The following CSMD1 variants were observed in gnomAD, a reference collection of about 807,000 sequenced individuals.
CSMD1 encodes CUB and sushi domain-containing protein 1.
A neutral mutation model predicts 417.5 loss-of-function variants in CSMD1; 213 were observed. The observed-to-expected ratio is 0.51, with a 90% CI of 0.46 to 0.57. The LOEUF is 0.57. Ranked by LOEUF, CSMD1 falls within the 20% of genes least tolerant of loss-of-function variation. CSMD1 has a pLI of 0.00. For synonymous variants in CSMD1, 2,862 were observed against 1,736.8 expected, an observed-to-expected ratio of 1.65 and a Z score of -16.11; for missense variants, 6,923 against 4,529.7, an observed-to-expected ratio of 1.53 and a Z score of -15.17.
chr8:3,500,281 G>C (rs921400052), intron 10 of CSMD1, among the ~76,000 whole-genome samples: 2 of 152,172 alleles, frequency 1.3e-5, no homozygotes, highest in African/African-American at 2.4e-5. Context: ...AAGGAGGAAA[G>C]TGCTGGGCAC....
chr8:3,820,824 T>C (rs1245124652), intron 5 of CSMD1, among the ~76,000 whole-genome samples: 1 of 152,124 alleles, frequency 6.6e-6, no homozygotes, highest in Non-Finnish European at 1.5e-5. Flanking sequence ...CCTCAGGTGA[T>C]CTGCTGACCT....
chr8:4,989,077 A>C (rs1811328305), intron 1 of CSMD1, among the ~76,000 whole-genome samples: 1 of 152,220 alleles, frequency 6.6e-6, no homozygotes. Context: ...AGGCATGAAT[A>C]CCTAAGTGCA....
chr8:4,246,089 G>A (rs956714090), intron 3 of CSMD1, among the ~76,000 whole-genome samples: 1 of 152,028 alleles, frequency 6.6e-6, no homozygotes, highest in African/African-American at 2.4e-5. Flanking sequence ...GTAAACTTAT[G>A]TCATGGGAGT....
chr8:3,139,693 A>T (rs1047185091), intron 41 of CSMD1, among the ~76,000 whole-genome samples: 2 of 151,992 alleles, frequency 1.3e-5, no homozygotes, highest in African/African-American at 4.8e-5. Flanking sequence ...TTATAAATAG[A>T]TATGTACGTG....
intron 49 of CSMD1, among the ~76,000 whole-genome samples, chr8:3,067,129 A>G (rs920282115): frequency 5.3e-5 from 8 of 151,946 alleles, no homozygotes; most frequent in Non-Finnish European, 1.0e-4. Context: ...GAATGAATGG[A>G]CCCCACGTAT....
intron 1 of CSMD1, among the ~76,000 whole-genome samples, chr8:4,793,659 T>C (rs1413426782): frequency 6.6e-6 from 1 of 152,112 alleles, no homozygotes; most frequent in Non-Finnish European, 1.5e-5. Context: ...ATAGCAATGT[T>C]GACGCCTCTG....
chr8:3,263,304 G>A (rs1436650273), intron 26 of CSMD1, among the ~76,000 whole-genome samples: 1 of 152,134 alleles, frequency 6.6e-6, no homozygotes, highest in African/African-American at 2.4e-5. Flanking sequence ...TCACCATGTT[G>A]GCCAGGCTAG....
rs768525782 is a variant in CSMD1, at chr8:3,308,507, C to CAAGA, written c.3632-8_3632-5dup. The CAAGA allele has an allele frequency of 3.1e-6, 5 of 1,606,050 alleles. No individual in the cohort carries two copies. In the East Asian group the frequency reaches 1.1e-4, roughly 36 times the overall value. On this transcript the variant is annotated splice_region_variant and splice_polypyrimidine_tract_variant and intron_variant, in intron 23 of 69. Transcript: ENST00000635120. ...TCACATTTTACCAGATCAAAACCTGCAAGAGAGAAAGGCAAGGAATGAACA... is the reference window on the plus strand; with the variant it reads ...TCACATTTTACCAGATCAAAACCTGCAAGAAAGAGAGAAAGGCAAGGAATGAACA...
intron 15 of CSMD1, among the ~76,000 whole-genome samples, chr8:3,402,347 A>T (rs930603296): frequency 3.9e-5 from 6 of 152,310 alleles, no homozygotes; most frequent in Admixed American, 3.9e-4. Context: ...TTTGCTAAAA[A>T]AATCACCCGT....
chr8:4,666,264 G>A (rs867377971), intron 1 of CSMD1, among the ~76,000 whole-genome samples: 37 of 152,114 alleles, frequency 2.4e-4, no homozygotes, highest in African/African-American at 7.2e-4. Flanking sequence ...ATGGAATCAC[G>A]GTTGCTAATA....
chr8:4,523,851 C>A (rs1239533167), intron 2 of CSMD1, among the ~76,000 whole-genome samples: 1 of 152,184 alleles, frequency 6.6e-6, no homozygotes, highest in Admixed American at 6.6e-5. Flanking sequence ...ACTGTGCCAT[C>A]TTGACCTCCA....
chr8:4,874,990 T>TC (rs1185735616), intron 1 of CSMD1, among the ~76,000 whole-genome samples: 1 of 151,804 alleles, frequency 6.6e-6, no homozygotes, highest in Non-Finnish European at 1.5e-5. Context: ...TTCTTTCCCT[T>TC]CCCTTCCCTT....
intron 1 of CSMD1, among the ~76,000 whole-genome samples, chr8:4,857,949 G>A (rs1585221730): frequency 6.6e-6 from 1 of 152,008 alleles, no homozygotes; most frequent in Non-Finnish European, 1.5e-5. Flanking sequence ...AAGCCAGGCA[G>A]AGACACAACC....
intron 3 of CSMD1, among the ~76,000 whole-genome samples, chr8:4,049,280 G>C (rs1245102990): frequency 1.3e-5 from 2 of 151,656 alleles, no homozygotes; most frequent in Non-Finnish European, 2.9e-5. Context: ...ATTTGCTGTG[G>C]AGATTGTCTG....
At chr8:2,979,043 T>C (rs924848721) in intron 54 of CSMD1, among the ~76,000 whole-genome samples, 7 of 152,196 alleles carry the variant, frequency 4.6e-5, no homozygotes, top group African/African-American at 1.7e-4. Flanking sequence ...TTCCTCTATT[T>C]CCTAGTAATG....
chr8:3,517,565 A>G (rs1390388620), intron 10 of CSMD1, among the ~76,000 whole-genome samples: 1 of 152,182 alleles, frequency 6.6e-6, no homozygotes, highest in African/African-American at 2.4e-5. Flanking sequence ...GTCTCATTCC[A>G]CACTGCTGTC....
At chr8:3,101,355 G>C (rs1412655414) in intron 46 of CSMD1, among the ~76,000 whole-genome samples, 1 of 152,176 alleles carries the variant, frequency 6.6e-6, no homozygotes, top group Non-Finnish European at 1.5e-5. Context: ...AGCCACTTCT[G>C]TGATGTCTCT....
At chr8:3,908,527 C>G (rs1341126932) in intron 5 of CSMD1, among the ~76,000 whole-genome samples, 1 of 152,218 alleles carries the variant, frequency 6.6e-6, no homozygotes, top group East Asian at 1.9e-4. Flanking sequence ...AACAAAAAAA[C>G]TCCTAACCTA....
intron 1 of CSMD1, among the ~76,000 whole-genome samples, chr8:4,670,081 C>A (rs758574691): frequency 1.2e-4 from 19 of 152,100 alleles, no homozygotes; most frequent in Admixed American, 3.9e-4. Flanking sequence ...GGTTTGGTGC[C>A]CCCACGTCCA....
Sources: gnomAD v4.1 joint callset for allele counts (sites outside exome capture counted in the v4.1 genomes callset) on GRCh38, gnomAD v4.1.1 for gene constraint, MANE v1.5 for transcripts, NCBI Gene and HGNC (gene_info 2026-07-23, HGNC 2026-07-21) for gene names.